Variants in GRIK2 observed in about 807,000 individuals in gnomAD.
GRIK2 encodes glutamate receptor ionotropic, kainate 2.
A neutral mutation model predicts 100.3 loss-of-function variants in GRIK2; 32 were observed. The observed-to-expected ratio is 0.32, with a 90% confidence interval of 0.24 to 0.43. The LOEUF is 0.43. Among genes scored for constraint, GRIK2 ranks in the 20% least tolerant of loss-of-function variants. The pLI is 1.00. For missense variants in GRIK2, 843 were observed against 1,114.9 expected, an observed-to-expected ratio of 0.76 and a Z score of 3.47; for synonymous variants, 417 against 389.4, an observed-to-expected ratio of 1.07 and a Z score of -0.83.
Position 101,409,995 on chromosome 6 carries a change from C to A in GRIK2, c.115+10603C>A, listed in dbSNP as rs9498576. Among the ~76,000 whole-genome samples the A allele has an allele frequency of 5.0e-3, 756 of 152,056 alleles. 8 individuals carry two copies. The highest frequency in any genetic ancestry group is 0.017 in the African/African-American group (720 of 41,526). On this transcript the variant is annotated intron_variant, in intron 2 of 16. Transcript: ENST00000369134. ...GGTAAGGATTTATTAACTAATAGAA[C>A]AAACTTCTGATTTAGTTACTTGATA... is the stretch of plus-strand genomic sequence containing the variant.
intron 14 of GRIK2, among the ~76,000 whole-genome samples, chr6:101,934,665 G>T (rs1790507209): frequency 6.6e-6 from 1 of 151,840 alleles, no homozygotes; most frequent in Admixed American, 6.6e-5. Flanking sequence ...ATTAGAGATT[G>T]CTCCTAATTT....
chr6:101,991,922 A>G (rs1404393746), intron 14 of GRIK2, among the ~76,000 whole-genome samples: 1 of 151,530 alleles, frequency 6.6e-6, no homozygotes, highest in Non-Finnish European at 1.5e-5. Flanking sequence ...ATATTTGTAC[A>G]TGTGAAGCAT....
chr6:102,036,028 G>A (rs931324076), intron 15 of GRIK2, among the ~76,000 whole-genome samples: 1 of 151,272 alleles, frequency 6.6e-6, no homozygotes, highest in Admixed American at 6.6e-5. Context: ...GGTAGAAATA[G>A]AAGACTATTT....
intron 14 of GRIK2, among the ~76,000 whole-genome samples, chr6:102,007,651 G>T (rs1160362469): frequency 6.6e-6 from 1 of 151,952 alleles, no homozygotes; most frequent in Admixed American, 6.6e-5. Flanking sequence ...GAAACAGATG[G>T]AATCAAAAAT....
At chr6:101,403,139 T>C (rs1461781485) in intron 2 of GRIK2, among the ~76,000 whole-genome samples, 1 of 152,116 alleles carries the variant, frequency 6.6e-6, no homozygotes, top group Non-Finnish European at 1.5e-5. Context: ...AAGAAATCAC[T>C]CCCCAAGCTA....
At chr6:101,668,629 T>C (rs1770206211) in intron 4 of GRIK2, among the ~76,000 whole-genome samples, 1 of 152,204 alleles carries the variant, frequency 6.6e-6, no homozygotes, top group Non-Finnish European at 1.5e-5. Context: ...GTGTAGCTTA[T>C]AATACAATGC....
intron 7 of GRIK2, among the ~76,000 whole-genome samples, chr6:101,746,053 C>G (rs1776402275): frequency 6.6e-6 from 1 of 152,180 alleles, no homozygotes; most frequent in African/African-American, 2.4e-5. Flanking sequence ...CCCAAAGTAA[C>G]TTTACTGCTT....
chr6:101,983,910 A>T (rs761373300), intron 14 of GRIK2, among the ~76,000 whole-genome samples: 1 of 151,640 alleles, frequency 6.6e-6, no homozygotes, highest in Non-Finnish European at 1.5e-5. Context: ...CCATATATAT[A>T]TTTTTGAAAA....
intron 14 of GRIK2, among the ~76,000 whole-genome samples, chr6:102,033,666 T>C (rs753106010): frequency 6.6e-6 from 1 of 151,360 alleles, no homozygotes; most frequent in South Asian, 2.1e-4. Flanking sequence ...ATATTTATTA[T>C]GAGAACTAAA....
At chr6:101,606,259 A>G (rs1779432926) in intron 2 of GRIK2, among the ~76,000 whole-genome samples, 1 of 152,048 alleles carries the variant, frequency 6.6e-6, no homozygotes, top group African/African-American at 2.4e-5. Context: ...GAAAATACAC[A>G]TTCTTCTCAG....
chr6:101,613,486 C>T (rs1450708706), intron 2 of GRIK2, among the ~76,000 whole-genome samples: 1 of 151,258 alleles, frequency 6.6e-6, no homozygotes, highest in Admixed American at 6.6e-5. Flanking sequence ...AGAATTAGGC[C>T]CCAAGTGGTT....
At position 101,577,151 on chromosome 6, in the gene GRIK2, G is replaced by T. The variant is rs78121333; in HGVS notation, c.116-44798G>T. On this transcript the variant is annotated intron_variant, in intron 2 of 16. Transcript: ENST00000369134. ...TTTGATATCTGGGTTACAGTTAGTTGCATATGGATACAAAAAAAAAACAAC... is the reference window on the plus strand; with the variant it reads ...TTTGATATCTGGGTTACAGTTAGTTTCATATGGATACAAAAAAAAAACAAC... 2.3e-3 allele frequency among the ~76,000 whole-genome samples: 334 copies of T among 145,854 alleles called. 2 individuals are homozygous for T. Among genetic ancestry groups the T allele is most frequent in the African/African-American group, 8.9e-3 (327 of 36,588 alleles).
chr6:101,808,766 TAGAAA>T (rs1239515531), intron 9 of GRIK2, among the ~76,000 whole-genome samples: 3 of 151,914 alleles, frequency 2.0e-5, no homozygotes, highest in African/African-American at 7.2e-5. Context: ...CTTTGAAAAA[TAGAAA>T]GGATAAAACT....
At chr6:101,504,895 C>T (rs933231518) in intron 2 of GRIK2, among the ~76,000 whole-genome samples, 1 of 152,020 alleles carries the variant, frequency 6.6e-6, no homozygotes, top group African/African-American at 2.4e-5. Context: ...TGGTGAGTTG[C>T]AGAGAGGAAT....
At chr6:102,021,861 G>A (rs1769438156) in intron 14 of GRIK2, among the ~76,000 whole-genome samples, 1 of 150,606 alleles carries the variant, frequency 6.6e-6, no homozygotes, top group Non-Finnish European at 1.5e-5. Context: ...TAAAATGTTA[G>A]TTTTGTGAGC....
Position 101,525,735 on chromosome 6 carries a change from A to C in GRIK2, c.116-96214A>C, listed in dbSNP as rs1775118140. ...TTTATAAAAAATAAGTTCGCTGTGA[A>C]TTTCAAACATGACCTGAGTGAACAA... is the stretch of plus-strand genomic sequence containing the variant. On this transcript the variant is annotated intron_variant, in intron 2 of 16. Transcript: ENST00000369134. Among the ~76,000 whole-genome samples the C allele has an allele frequency of 2.0e-5, 3 of 152,204 alleles. No homozygotes were observed. The South Asian group carries it at 6.2e-4, about 31-fold the overall frequency.
intron 5 of GRIK2, among the ~76,000 whole-genome samples, chr6:101,681,620 T>C (rs1233178807): frequency 6.6e-6 from 1 of 152,144 alleles, no homozygotes; most frequent in Non-Finnish European, 1.5e-5. Context: ...TTGACTATAG[T>C]CAACCTATTG....
At chr6:102,053,806 G>A (rs1295060257) in intron 15 of GRIK2, among the ~76,000 whole-genome samples, 1 of 152,074 alleles carries the variant, frequency 6.6e-6, no homozygotes, top group African/African-American at 2.4e-5. Context: ...TAGGAAAATA[G>A]AACATATCTC....
chr6:101,801,671 T>C (rs1212708674), intron 8 of GRIK2, among the ~76,000 whole-genome samples: 1 of 151,976 alleles, frequency 6.6e-6, no homozygotes, highest in African/African-American at 2.4e-5. Context: ...ATTGTGGTTC[T>C]ATAACCAACA....
Sources: allele counts gnomAD v4.1 joint callset (sites outside exome capture counted in the v4.1 genomes callset), GRCh38; gene constraint gnomAD v4.1.1; transcripts MANE v1.5; gene names NCBI Gene and HGNC (gene_info 2026-07-23, HGNC 2026-07-21).